Variants in GNG2 observed in about 807,000 individuals in gnomAD.
The protein encoded by GNG2 is guanine nucleotide-binding protein G(I)/G(S)/G(O) subunit gamma-2.
Under a neutral mutation model 5.5 loss-of-function variants are expected in GNG2, and 5 were observed. The observed-to-expected ratio is 0.91, with a 90% CI of 0.48 to 1.92. The LOEUF (loss-of-function observed/expected upper bound fraction) is 1.92. Among genes scored for constraint, GNG2 ranks in the 30% most tolerant of loss-of-function variants. GNG2 has a pLI of 0.01. For synonymous variants in GNG2, 28 were observed against 32.0 expected, an observed-to-expected ratio of 0.88 and a Z score of 0.42; for missense variants, 55 against 88.4, an observed-to-expected ratio of 0.62 and a Z score of 1.52.
chr14:51,939,920 A>G (rs1331176126), intron 2 of GNG2: 1 of 152,220 alleles, frequency 6.6e-6, no homozygotes, highest in Admixed American at 6.5e-5. Context: ...CAGCCGAAAC[A>G]CCCTTCTGAC....
chr14:51,951,752 A>T (rs1566710537), intron 3 of GNG2: 4 of 591,160 alleles, frequency 6.8e-6, no homozygotes, highest in Non-Finnish European at 1.2e-5. Flanking sequence ...ATGTTTATAA[A>T]GAAAGTTTTA....
At chr14:51,931,088 A>T (rs1287101163) in intron 2 of GNG2, among the ~76,000 whole-genome samples, 1 of 152,198 alleles carries the variant, frequency 6.6e-6, no homozygotes, top group East Asian at 1.9e-4. Flanking sequence ...ATAGAGCAAG[A>T]CTCTGTCTCA....
At chr14:51,930,288 G>A (rs977566510) in intron 2 of GNG2, among the ~76,000 whole-genome samples, 2 of 152,122 alleles carry the variant, frequency 1.3e-5, no homozygotes, top group African/African-American at 4.8e-5. Context: ...TGGTGAGGAG[G>A]GACATAGTAA....
At chr14:51,883,940 A>C (rs986608936) in intron 2 of GNG2, among the ~76,000 whole-genome samples, 2 of 152,158 alleles carry the variant, frequency 1.3e-5, no homozygotes, top group Non-Finnish European at 2.9e-5. Context: ...GCAGAAAAAA[A>C]CAATATATGT....
intron 2 of GNG2, among the ~76,000 whole-genome samples, chr14:51,915,235 T>C (rs1253456651): frequency 1.3e-5 from 2 of 152,218 alleles, no homozygotes; most frequent in Non-Finnish European, 2.9e-5. Context: ...AGCCAAGGCC[T>C]TCTGTGAAGG....
At chr14:51,952,941 A>C (rs1801110499) in intron 3 of GNG2, among the ~76,000 whole-genome samples, 2 of 152,228 alleles carry the variant, frequency 1.3e-5, no homozygotes, top group Non-Finnish European at 2.9e-5. Context: ...GCCCTTTAGC[A>C]GTGTATACAA....
At chr14:51,851,029 A>G (rs1056995086) in intron 2 of GNG2, among the ~76,000 whole-genome samples, 1 of 152,146 alleles carries the variant, frequency 6.6e-6, no homozygotes, top group African/African-American at 2.4e-5. Flanking sequence ...ATGCCAACCC[A>G]CCGTGGAGCT....
intron 2 of GNG2, among the ~76,000 whole-genome samples, chr14:51,837,147 C>T (rs1313705233): frequency 2.6e-5 from 4 of 151,862 alleles, no homozygotes; most frequent in African/African-American, 9.7e-5. Context: ...GCATAAGCCA[C>T]CGCACCCGGC....
At chr14:51,903,817 G>T (rs188261470) in intron 2 of GNG2, among the ~76,000 whole-genome samples, 2 of 152,130 alleles carry the variant, frequency 1.3e-5, no homozygotes, top group African/African-American at 4.8e-5. Context: ...TCTATGGTTT[G>T]GGAAGAACTC....
intron 2 of GNG2, among the ~76,000 whole-genome samples, chr14:51,838,454 G>A (rs1022895705): frequency 1.4e-5 from 2 of 139,406 alleles, no homozygotes; most frequent in South Asian, 2.2e-4. Flanking sequence ...AAAAAAAAAA[G>A]GGGGGGTTAT....
At chr14:51,848,968 C>G (rs1293029740) in intron 2 of GNG2, among the ~76,000 whole-genome samples, 1 of 152,194 alleles carries the variant, frequency 6.6e-6, no homozygotes, top group East Asian at 1.9e-4. Flanking sequence ...AAGTTATCTA[C>G]TGGTATATAA....
At position 51,905,047 on chromosome 14, in the gene GNG2, C is replaced by T. The variant is rs12896633; in HGVS notation, c.-30+27390C>T. Among the ~76,000 whole-genome samples, 393 of 152,174 alleles carry T rather than the reference C, an allele frequency of 2.6e-3. 1 individual carries two copies. The highest frequency in any genetic ancestry group is 4.4e-3 in the Non-Finnish European group (299 of 67,992). On this transcript the variant is annotated intron_variant, in intron 2 of 3. Coordinates refer to ENST00000556766, the MANE Select transcript of GNG2 (RefSeq NM_053064.5). ...CATTGTATTGAATATTTTTTAGTGT[C>T]AGTTTCTTGTTATGTGAGTGTGAGG...
rs946413086 is a variant in GNG2 at position 51,909,547 on chromosome 14, C to T, written c.-30+31890C>T. On this transcript the variant is annotated intron_variant, in intron 2 of 3. Transcript: ENST00000556766. ...TTGTACTTGGCAGAGGAGTTTAAGA[C>T]CAAAAAGGAAAATAAAGGGCCTGCT... is the stretch of plus-strand genomic sequence containing the variant. Among the ~76,000 whole-genome samples the T allele has an allele frequency of 2.6e-5, 4 of 151,988 alleles. No individual in the cohort carries two copies. In the East Asian group the frequency reaches 7.7e-4, roughly 29 times the overall value.
upstream of GNG2, among the ~76,000 whole-genome samples, chr14:51,856,595 G>A (rs191707062): frequency 5.3e-4 from 81 of 152,196 alleles, no homozygotes; most frequent in African/African-American, 1.9e-3. Context: ...ACTACACCCG[G>A]CTTATTTTTG....
chr14:51,960,925 CA>C (rs1889576033), intron 3 of GNG2, among the ~76,000 whole-genome samples: 1 of 152,112 alleles, frequency 6.6e-6, no homozygotes, highest in Admixed American at 6.6e-5. Flanking sequence ...ATGTGCCAAT[CA>C]GTATTCAGCC....
At chr14:51,844,497 G>A (rs1192222063) in intron 2 of GNG2, among the ~76,000 whole-genome samples, 1 of 152,132 alleles carries the variant, frequency 6.6e-6, no homozygotes, top group African/African-American at 2.4e-5. Context: ...TGGTGACTCT[G>A]CTGTTGTTGA....
intron 2 of GNG2, among the ~76,000 whole-genome samples, chr14:51,934,004 T>C (rs1055529126): frequency 1.3e-5 from 2 of 152,190 alleles, no homozygotes; most frequent in African/African-American, 4.8e-5. Flanking sequence ...GCTTTCATGA[T>C]GTGTGTTTAT....
intron 1 of GNG2, among the ~76,000 whole-genome samples, chr14:51,864,381 G>T (rs1173667979): frequency 1.3e-5 from 2 of 152,054 alleles, no homozygotes; most frequent in Non-Finnish European, 2.9e-5. Flanking sequence ...GAGAATATTT[G>T]CAAATTTTTA....
At chr14:51,949,954 T>C (rs1888877430) in intron 2 of GNG2, among the ~76,000 whole-genome samples, 1 of 152,156 alleles carries the variant, frequency 6.6e-6, no homozygotes, top group African/African-American at 2.4e-5. Flanking sequence ...AACAGAACTC[T>C]ACTCTCAAAC....
Sources: gnomAD v4.1 joint callset for allele counts (sites outside exome capture counted in the v4.1 genomes callset) on GRCh38, gnomAD v4.1.1 for gene constraint, MANE v1.5 for transcripts, NCBI Gene and HGNC (gene_info 2026-07-23, HGNC 2026-07-21) for gene names.